CPVL: variants seen among roughly 807,000 people sequenced by gnomAD.
CPVL encodes carboxypeptidase vitellogenic like.
A neutral mutation model predicts 63.7 loss-of-function variants in CPVL; 51 were observed. That is an observed-to-expected ratio of 0.80 (90% confidence interval 0.64 to 1.01). The LOEUF is 1.01. Among genes scored for constraint, CPVL ranks in the 50% least tolerant of loss-of-function variants. The probability of loss-of-function intolerance (pLI) is 0.00; values close to 1 mark genes in which losing one functional copy is unlikely to be tolerated. For synonymous variants in CPVL, 195 were observed against 206.0 expected (o/e 0.95, Z 0.46); for missense variants, 530 against 573.1 (o/e 0.92, Z 0.77).
At chr7:29,042,870 G>C (rs905686483) in intron 11 of CPVL, among the ~76,000 whole-genome samples, 1 of 152,206 alleles carries the variant, frequency 6.6e-6, no homozygotes, top group Admixed American at 6.5e-5. Flanking sequence ...AACGGATATG[G>C]ACAGTGGACG....
intron 11 of CPVL, among the ~76,000 whole-genome samples, chr7:29,061,035 A>G (rs1373534863): frequency 6.6e-6 from 1 of 152,144 alleles, no homozygotes. Flanking sequence ...TTGGTGGCAT[A>G]TTTTGTTCTG....
chr7:29,132,662 C>G (rs1278447832), intron 1 of CPVL, among the ~76,000 whole-genome samples: 3 of 152,164 alleles, frequency 2.0e-5, no homozygotes, highest in Non-Finnish European at 2.9e-5. Context: ...CAGCCTCCCT[C>G]GTTAATCAAG....
chr7:29,112,945 C>A, intron 2 of CPVL, 123 bp from the exon 3 acceptor site: 1 of 655,436 alleles, frequency 1.5e-6, no homozygotes, highest in Non-Finnish European at 2.7e-6. Context: ...ACTGGTATGA[C>A]AGGTAGTTCC....
chr7:29,169,658 G>C (rs898333617), intron 5 of CPVL, among the ~76,000 whole-genome samples: 3 of 151,828 alleles, frequency 2.0e-5, no homozygotes, highest in Admixed American at 1.3e-4. Flanking sequence ...TCCTATGTAT[G>C]GCTGCCATCA....
At chr7:29,140,749 T>C (rs2128669574) in intron 1 of CPVL, among the ~76,000 whole-genome samples, 1 of 151,962 alleles carries the variant, frequency 6.6e-6, no homozygotes, top group East Asian at 1.9e-4. Context: ...CTCCAAAGAC[T>C]CCCCAGGGAA....
At position 29,072,182 on chromosome 7, in the gene CPVL, T is replaced by G. The variant is rs76995934; in HGVS notation, c.732+119A>C. ...GGTAAAAATTAGGAGATTTAAGTCA[T>G]AAAGTCAACTGGTGTTTCCCTTATC... is the stretch of plus-strand genomic sequence containing the variant. On this transcript the variant is annotated intron_variant, in intron 8 of 12. Coordinates refer to ENST00000265394, the MANE Select transcript of CPVL (RefSeq NM_031311.5). 1,293 of 1,182,196 alleles carry G rather than the reference T, an allele frequency of 1.1e-3. 6 individuals are homozygous for G. The highest frequency in any genetic ancestry group is 0.01 in the East Asian group (436 of 41,898). The allele number at this position is 1,182,196 out of a possible 1,614,324, so 73.2% of individuals were successfully genotyped here.
chr7:29,017,145 G>T (rs1359824528), intron 12 of CPVL, among the ~76,000 whole-genome samples: 1 of 152,138 alleles, frequency 6.6e-6, no homozygotes, highest in Non-Finnish European at 1.5e-5. Context: ...TGCAGGCTAT[G>T]AGCCAGACTA....
At chr7:28,999,558 T>C (rs927857738) in intron 12 of CPVL, among the ~76,000 whole-genome samples, 2 of 152,214 alleles carry the variant, frequency 1.3e-5, no homozygotes, top group African/African-American at 4.8e-5. Flanking sequence ...GCTCTCCTGG[T>C]ATTTACTCAC....
intron 11 of CPVL, among the ~76,000 whole-genome samples, chr7:29,046,347 G>T (rs906605495): frequency 2.0e-5 from 3 of 152,128 alleles, no homozygotes; most frequent in Admixed American, 6.5e-5. Flanking sequence ...GACTCCCAAA[G>T]TACTGGGATT....
chr7:29,138,459 G>T (rs190732554), intron 1 of CPVL, among the ~76,000 whole-genome samples: 184 of 152,086 alleles, frequency 1.2e-3, no homozygotes, highest in African/African-American at 4.0e-3. Context: ...ATAATAAGAA[G>T]AAGAAGAAGA....
At chr7:29,025,288 C>T (rs1447961692) in intron 12 of CPVL, among the ~76,000 whole-genome samples, 1 of 152,202 alleles carries the variant, frequency 6.6e-6, no homozygotes, top group African/African-American at 2.4e-5. Flanking sequence ...AACATTTGCT[C>T]AGCTTCTGAT....
At chr7:29,194,492 C>G (rs1024690823) in intron 1 of CPVL, 1 of 161,502 alleles carries the variant, frequency 6.2e-6, no homozygotes, top group African/African-American at 2.4e-5. Flanking sequence ...CTCCCGCCGC[C>G]TCTGCCCGGT....
intron 2 of CPVL, among the ~76,000 whole-genome samples, chr7:29,116,308 C>A (rs974382877): frequency 2.0e-5 from 3 of 152,166 alleles, no homozygotes; most frequent in Admixed American, 2.0e-4. Flanking sequence ...AACTAAATCC[C>A]AGTAAAATAA....
At chr7:29,091,493 T>C (rs777743049) in intron 6 of CPVL, among the ~76,000 whole-genome samples, 2 of 151,830 alleles carry the variant, frequency 1.3e-5, no homozygotes, top group African/African-American at 2.4e-5. Flanking sequence ...AAGAAGCCTG[T>C]GAGGAGGACT....
chr7:29,125,675 G>A (rs1789939909), intron 1 of CPVL, among the ~76,000 whole-genome samples: 1 of 151,734 alleles, frequency 6.6e-6, no homozygotes, highest in Admixed American at 6.6e-5. Flanking sequence ...TTACAGGCGT[G>A]AGCCACCGCC....
intron 2 of CPVL, among the ~76,000 whole-genome samples, chr7:29,120,659 A>G (rs2128640538): frequency 6.6e-6 from 1 of 151,740 alleles, no homozygotes; most frequent in Non-Finnish European, 1.5e-5. Context: ...CCTCTCTACT[A>G]AAAATACAAA....
intron 1 of CPVL, among the ~76,000 whole-genome samples, chr7:29,188,488 G>A (rs1584646330): frequency 6.6e-6 from 1 of 151,908 alleles, no homozygotes; most frequent in South Asian, 2.1e-4. Context: ...CAGATATTGT[G>A]TCTGTTAGCT....
chr7:29,171,370 T>A (rs1050440916), intron 5 of CPVL, among the ~76,000 whole-genome samples: 3 of 152,200 alleles, frequency 2.0e-5, no homozygotes. Flanking sequence ...CAAACCAACA[T>A]AATACATATG....
intron 8 of CPVL, 148 bp downstream of exon 8, chr7:29,072,153 A>G (rs1379631986): frequency 3.1e-6 from 3 of 957,742 alleles, no homozygotes; most frequent in Admixed American, 5.3e-5. Flanking sequence ...ACGTTGAAAC[A>G]TTTGGTAAAA....
Sources: allele counts gnomAD v4.1 joint callset (sites outside exome capture counted in the v4.1 genomes callset), GRCh38; gene constraint gnomAD v4.1.1; transcripts MANE v1.5; gene names NCBI Gene and HGNC (gene_info 2026-07-23, HGNC 2026-07-21).